Variants in DGCR2 observed in about 807,000 individuals in gnomAD.
The protein encoded by DGCR2 is DiGeorge syndrome critical region gene 2.
Under a neutral mutation model 51.6 loss-of-function variants are expected in DGCR2, and 24 were observed. The ratio of observed to expected loss-of-function variants is 0.47; its 90% CI spans 0.34 to 0.65. DGCR2 has a LOEUF of 0.65. Among genes scored for constraint, DGCR2 ranks in the 30% least tolerant of loss-of-function variants. DGCR2 has a pLI of 0.01. For missense variants in DGCR2, 765 were observed against 772.1 expected (o/e 0.99, Z 0.11); for synonymous variants, 340 against 315.4 (o/e 1.08, Z -0.82).
rs2082515269 is a variant in DGCR2 at position 19,048,544 on chromosome 22, C to G, written c.902G>C (p.Gly301Ala). The G allele has an allele frequency of 2.5e-6, 4 of 1,614,234 alleles. No individual in the cohort carries two copies. In the East Asian group the frequency reaches 8.9e-5, roughly 36 times the overall value. Residue 301 changes from glycine (G) to alanine (A), a missense_variant, in exon 7 of 10, where the codon GGG (glycine) becomes GCG (alanine). Gly to Ala is a moderately conservative substitution (Grantham distance 60). Coordinates refer to ENST00000263196, the MANE Select transcript of DGCR2 (RefSeq NM_005137.3). ...AGCAGCCACACACATCTCAGGCTCC[C>G]CTCCATGGCAGGTGCAGCTCAGGCA... ...DPCLSCTCHG[G>A]EPEMCVAALC...
intron 2 of DGCR2, among the ~76,000 whole-genome samples, chr22:19,089,134 G>C (rs1435007056): frequency 6.6e-6 from 1 of 152,168 alleles, no homozygotes; most frequent in Non-Finnish European, 1.5e-5. Context: ...GAGCCTCCTG[G>C]GCATCTCACG....
At position 19,122,243 on chromosome 22, in the gene DGCR2, G is replaced by C; in HGVS notation, c.-37C>G. The C allele has an allele frequency of 7.1e-7, 1 of 1,408,276 alleles. No individual in the cohort carries two copies. The highest frequency in any genetic ancestry group is 9.4e-7 in the Non-Finnish European group (1 of 1,064,278). 87.2% of individuals were successfully genotyped at this position (1,408,276 alleles called of 1,614,324 possible). A position where few individuals can be genotyped will look rare whatever the true frequency, so the allele number is the denominator to read the frequency against. ...TCATCGTCCCCGGGGCGGCTGGAAGGCCGGACCAGGCCGGACTGAGGGTCA... is the reference window on the plus strand; with the variant it reads ...TCATCGTCCCCGGGGCGGCTGGAAGCCCGGACCAGGCCGGACTGAGGGTCA... On this transcript the variant is annotated 5_prime_UTR_variant, in exon 1 of 10. Transcript: ENST00000263196.
At chr22:19,116,069 G>A (rs1334852123) in intron 1 of DGCR2, among the ~76,000 whole-genome samples, 1 of 152,240 alleles carries the variant, frequency 6.6e-6, no homozygotes, top group African/African-American at 2.4e-5. Context: ...TCCAAATGAG[G>A]AAACTGAAGA....
intron 9 of DGCR2, 127 bp from the exon 10 acceptor site, chr22:19,039,248 G>T: frequency 8.2e-7 from 1 of 1,223,590 alleles, no homozygotes; most frequent in Non-Finnish European, 1.1e-6. Context: ...GTGGTGAGCA[G>T]GACCTGGGTG....
intron 1 of DGCR2, 102 bp from the exon 2 acceptor site, chr22:19,089,592 G>T (rs1343564353): frequency 1.2e-5 from 15 of 1,278,182 alleles, no homozygotes; most frequent in Non-Finnish European, 1.3e-5. Flanking sequence ...TTGTTTGTTT[G>T]TTTTTGAGAC....
At chr22:19,052,289 G>A (rs1334155999) in intron 6 of DGCR2, among the ~76,000 whole-genome samples, 2 of 151,988 alleles carry the variant, frequency 1.3e-5, no homozygotes, top group South Asian at 2.1e-4. Flanking sequence ...AGTGGCACAT[G>A]CCTGTAATCC....
chr22:19,041,548 C>G, intron 8 of DGCR2: 1 of 595,724 alleles, frequency 1.7e-6, no homozygotes, highest in Non-Finnish European at 3.0e-6. Context: ...TGGCTGACCA[C>G]ACCCCTCCAG....
chr22:19,040,039 C>CT (rs2082414189), intron 9 of DGCR2, among the ~76,000 whole-genome samples: 1 of 152,172 alleles, frequency 6.6e-6, no homozygotes, highest in Non-Finnish European at 1.5e-5. Context: ...CATAGGCTGT[C>CT]TCTGAAAGCT....
chr22:19,083,487 G>A (rs959965363), intron 2 of DGCR2, among the ~76,000 whole-genome samples: 15 of 152,180 alleles, frequency 9.9e-5, no homozygotes, highest in African/African-American at 3.4e-4. Flanking sequence ...TAAAACTCAC[G>A]GAGCTTTAAA....
rs116657341 is a variant in DGCR2 at position 19,098,021 on chromosome 22, A to C, written c.80-8531T>G. ...CTACAGCTACTCCTTACAACCAGAC[A>C]GCTCTGGCTAAAATAGCCCCCACAC... On this transcript the variant is annotated intron_variant, in intron 1 of 9. Transcript: ENST00000263196. Among the ~76,000 whole-genome samples the C allele has an allele frequency of 6.5e-3, 991 of 152,312 alleles. 13 individuals carry two copies. The highest frequency in any genetic ancestry group is 0.022 in the African/African-American group (901 of 41,568).
chr22:19,113,624 A>G (rs973647040), intron 1 of DGCR2, among the ~76,000 whole-genome samples: 1 of 152,230 alleles, frequency 6.6e-6, no homozygotes, highest in African/African-American at 2.4e-5. Context: ...CCTGGTAAAA[A>G]GGAATTTCAA....
At chr22:19,044,296 G>A (rs146835596) in intron 7 of DGCR2, among the ~76,000 whole-genome samples, 1 of 152,356 alleles carries the variant, frequency 6.6e-6, no homozygotes, top group East Asian at 1.9e-4. Flanking sequence ...GGAGTTCTGG[G>A]CTGTGCAGTT....
chr22:19,044,702 G>C (rs1001896), intron 7 of DGCR2, among the ~76,000 whole-genome samples: 1 of 152,122 alleles, frequency 6.6e-6, no homozygotes, highest in African/African-American at 2.4e-5. Context: ...GGTACCCCAC[G>C]TGGATTTAGT....
intron 3 of DGCR2, among the ~76,000 whole-genome samples, chr22:19,065,379 A>G (rs1296836513): frequency 6.6e-6 from 1 of 152,226 alleles, no homozygotes; most frequent in Non-Finnish European, 1.5e-5. Context: ...CTGGGTTAAC[A>G]ACACAGCACA....
chr22:19,109,669 G>A (rs1018204878), intron 1 of DGCR2, among the ~76,000 whole-genome samples: 2 of 152,156 alleles, frequency 1.3e-5, no homozygotes, highest in Middle Eastern at 3.2e-3. Context: ...TTTCAGTTTT[G>A]CAAGATGAAA....
At chr22:19,052,613 A>C (rs2082561314) in intron 6 of DGCR2, among the ~76,000 whole-genome samples, 1 of 151,352 alleles carries the variant, frequency 6.6e-6, no homozygotes, top group South Asian at 2.1e-4. Context: ...CCTCTACAAA[A>C]AAAAAAAAAA....
intron 5 of DGCR2, among the ~76,000 whole-genome samples, chr22:19,062,807 T>TCTCTCTCTCTC (rs397967453): frequency 6.8e-6 from 1 of 146,990 alleles, no homozygotes; most frequent in Admixed American, 6.7e-5. Flanking sequence ...TCTCTCTCTC[T>TCTCTCTCTCTC]ATCTGCCTGA....
intron 6 of DGCR2, 59 bp from the exon 7 acceptor site, chr22:19,048,702 G>A (rs935742500): frequency 2.0e-5 from 31 of 1,568,228 alleles, no homozygotes; most frequent in African/African-American, 5.4e-5. Flanking sequence ...TAGCCTCCCC[G>A]TGTGGGCCAC....
chr22:19,083,936 A>G (rs2082974235), intron 2 of DGCR2, among the ~76,000 whole-genome samples: 1 of 152,140 alleles, frequency 6.6e-6, no homozygotes, highest in Non-Finnish European at 1.5e-5. Context: ...TGGCCGGGCT[A>G]GTCTCCAGCT....
Sources: allele counts gnomAD v4.1 joint callset (sites outside exome capture counted in the v4.1 genomes callset), GRCh38; gene constraint gnomAD v4.1.1; transcripts MANE v1.5; gene names NCBI Gene and HGNC (gene_info 2026-07-23, HGNC 2026-07-21).